The following MIPOL1 variants were observed in gnomAD, a reference collection of about 807,000 sequenced individuals.
MIPOL1 encodes the protein mirror-image polydactyly gene 1 protein.
Under a neutral mutation model 60.9 loss-of-function variants are expected in MIPOL1, and 57 were observed. The ratio of observed to expected loss-of-function variants is 0.94; its 90% CI spans 0.76 to 1.17. MIPOL1 has a LOEUF of 1.17. Among genes scored for constraint, MIPOL1 ranks in the 50% most tolerant of loss-of-function variants. MIPOL1 has a pLI of 0.00. For missense variants in MIPOL1, 551 were observed against 511.6 expected, an observed-to-expected ratio of 1.08 and a Z score of -0.74; for synonymous variants, 179 against 168.8, an observed-to-expected ratio of 1.06 and a Z score of -0.47.
chr14:37,452,014 A>C (rs1211815498), intron 11 of MIPOL1, among the ~76,000 whole-genome samples: 3 of 150,918 alleles, frequency 2.0e-5, no homozygotes, highest in Non-Finnish European at 4.4e-5. Context: ...ACGGGGTTTC[A>C]CCGTGTTAGC....
At chr14:37,322,600 T>C (rs2088697835) in intron 9 of MIPOL1, among the ~76,000 whole-genome samples, 1 of 151,604 alleles carries the variant, frequency 6.6e-6, no homozygotes, top group Admixed American at 6.6e-5. Flanking sequence ...TATTTACTCA[T>C]TTATTCATTT....
At chr14:37,325,396 CTTTA>C (rs375321239) in intron 9 of MIPOL1, among the ~76,000 whole-genome samples, 28 of 152,074 alleles carry the variant, frequency 1.8e-4, no homozygotes, top group South Asian at 1.5e-3. Flanking sequence ...TTTAAATTCA[CTTTA>C]TTTCTTTATG....
chr14:37,499,075 T>A (rs551165339), intron 11 of MIPOL1, among the ~76,000 whole-genome samples: 15 of 152,230 alleles, frequency 9.9e-5, no homozygotes, highest in Admixed American at 3.9e-4. Context: ...AAAAAGAACA[T>A]CTCCTGTGTG....
At chr14:37,536,982 A>G (rs1269662082) in intron 12 of MIPOL1, among the ~76,000 whole-genome samples, 2 of 152,176 alleles carry the variant, frequency 1.3e-5, no homozygotes, top group Non-Finnish European at 2.9e-5. Flanking sequence ...AATGCAATCA[A>G]TGCTTTTGCT....
At chr14:37,494,763 T>TA (rs761674862) in intron 11 of MIPOL1, among the ~76,000 whole-genome samples, 70 of 152,334 alleles carry the variant, frequency 4.6e-4, no homozygotes, top group Admixed American at 1.0e-3. Flanking sequence ...TTATTATTTT[T>TA]AAAGACTGTT....
chr14:37,493,060 T>C (rs1216535777), intron 11 of MIPOL1, among the ~76,000 whole-genome samples: 4 of 152,172 alleles, frequency 2.6e-5, no homozygotes, highest in Non-Finnish European at 5.9e-5. Context: ...GAGCAATTAC[T>C]GTAAAATAAA....
At chr14:37,342,472 A>C (rs968106560) in intron 9 of MIPOL1, among the ~76,000 whole-genome samples, 1 of 150,592 alleles carries the variant, frequency 6.6e-6, no homozygotes, top group Non-Finnish European at 1.5e-5. Context: ...ATCTCGGCTC[A>C]CTGCAATCTC....
intron 11 of MIPOL1, among the ~76,000 whole-genome samples, chr14:37,455,910 G>A (rs1410882899): frequency 6.6e-6 from 1 of 151,910 alleles, no homozygotes; most frequent in South Asian, 2.1e-4. Flanking sequence ...TAATAGCTCA[G>A]ATTTAGTAAG....
At chr14:37,545,840 G>C in intron 12 of MIPOL1, 1 of 427,848 alleles carries the variant, frequency 2.3e-6, no homozygotes. Flanking sequence ...ATTTGCAGAG[G>C]ACCCTCATGC....
At chr14:37,267,287 A>T in intron 4 of MIPOL1, 118 bp downstream of exon 4, 1 of 689,940 alleles carries the variant, frequency 1.4e-6, no homozygotes, top group South Asian at 1.8e-5. Flanking sequence ...CAGGAGTTCG[A>T]GACCAGCCTG....
At chr14:37,249,671 G>A (rs753730189) in intron 3 of MIPOL1, among the ~76,000 whole-genome samples, 1 of 152,046 alleles carries the variant, frequency 6.6e-6, no homozygotes, top group Non-Finnish European at 1.5e-5. Flanking sequence ...CTTAATTTTG[G>A]TGTGCTCTAT....
intron 1 of MIPOL1, among the ~76,000 whole-genome samples, chr14:37,235,474 G>C (rs751652589): frequency 1.3e-5 from 2 of 152,108 alleles, no homozygotes; most frequent in Non-Finnish European, 2.9e-5. Flanking sequence ...TATTGACTTT[G>C]TATGGGTGTG....
chr14:37,509,908 C>G (rs1487213137), intron 12 of MIPOL1, among the ~76,000 whole-genome samples: 1 of 151,344 alleles, frequency 6.6e-6, no homozygotes, highest in Non-Finnish European at 1.5e-5. Flanking sequence ...TGCTCTGTTC[C>G]TCTTCCCAGC....
chr14:37,278,071 T>A (rs2083811146), intron 6 of MIPOL1: 1 of 151,612 alleles, frequency 6.6e-6, no homozygotes, highest in African/African-American at 2.4e-5. Flanking sequence ...AAAAAGTTAT[T>A]TACAAAGTAA....
chr14:37,463,929 A>T (rs1029436537), intron 11 of MIPOL1, among the ~76,000 whole-genome samples: 3 of 152,132 alleles, frequency 2.0e-5, no homozygotes, highest in Non-Finnish European at 4.4e-5. Context: ...AAAACAACCC[A>T]ATTAAAAATT....
chr14:37,371,604 C>G (rs2092641153), intron 10 of MIPOL1, among the ~76,000 whole-genome samples: 1 of 151,964 alleles, frequency 6.6e-6, no homozygotes, highest in South Asian at 2.1e-4. Context: ...CTCATCAACT[C>G]AATCTTTTTT....
chr14:37,534,055 T>G (rs1403502581), intron 12 of MIPOL1, among the ~76,000 whole-genome samples: 7 of 133,758 alleles, frequency 5.2e-5, no homozygotes, highest in African/African-American at 1.8e-4. Context: ...GCCACTGCAC[T>G]CCATCCTGGC....
intron 11 of MIPOL1, among the ~76,000 whole-genome samples, chr14:37,440,733 C>A (rs1247875713): frequency 2.0e-5 from 3 of 152,142 alleles, no homozygotes; most frequent in African/African-American, 7.2e-5. Context: ...CTGTGATAAA[C>A]ATACGAGTGC....
chr14:37,399,745 A>G (rs747296956), intron 10 of MIPOL1: 13 of 152,222 alleles, frequency 8.5e-5, no homozygotes, highest in Non-Finnish European at 1.6e-4. Flanking sequence ...GCTTGCTCAC[A>G]TTAATGGTCA....
Sources: allele counts gnomAD v4.1 joint callset (sites outside exome capture counted in the v4.1 genomes callset), GRCh38; gene constraint gnomAD v4.1.1; transcripts MANE v1.5; gene names NCBI Gene and HGNC (gene_info 2026-07-23, HGNC 2026-07-21).